Variants in ANKH observed in about 807,000 individuals in gnomAD.
The protein encoded by ANKH is mineralization regulator ANKH.
Under a neutral mutation model 49.0 loss-of-function variants are expected in ANKH, and 15 were observed. The observed-to-expected ratio is 0.31, with a 90% CI of 0.20 to 0.47. ANKH has a LOEUF of 0.47. Among genes scored for constraint, ANKH ranks in the 20% least tolerant of loss-of-function variants. ANKH has a pLI of 1.00. For synonymous variants in ANKH, 273 were observed against 260.0 expected, an observed-to-expected ratio of 1.05 and a Z score of -0.48; for missense variants, 429 against 652.0, an observed-to-expected ratio of 0.66 and a Z score of 3.72.
chr5:14,835,379 C>A (rs1230549651), intron 1 of ANKH, among the ~76,000 whole-genome samples: 4 of 152,150 alleles, frequency 2.6e-5, no homozygotes, highest in African/African-American at 9.7e-5. Flanking sequence ...AGTCCGTGCC[C>A]ACAGACAGGT....
intron 1 of ANKH, among the ~76,000 whole-genome samples, chr5:14,817,232 G>C (rs961819114): frequency 6.6e-6 from 1 of 152,120 alleles, no homozygotes; most frequent in Non-Finnish European, 1.5e-5. Flanking sequence ...GCCCTGTGTG[G>C]ATGTGTCAGA....
intron 1 of ANKH, among the ~76,000 whole-genome samples, chr5:14,865,028 AG>A (rs1401384405): frequency 6.6e-6 from 1 of 152,220 alleles, no homozygotes; most frequent in East Asian, 1.9e-4. Flanking sequence ...TGGGAGGCCG[AG>A]GCAGGGGGAC....
chr5:14,806,118 C>T (rs1494639), intron 1 of ANKH, among the ~76,000 whole-genome samples: 2,166 of 152,196 alleles, frequency 0.014, 46 homozygotes, highest in African/African-American at 0.05. Flanking sequence ...ATTCTTCCAC[C>T]CTTCTGCCAC....
rs1736953073 is a variant in ANKH, at chr5:14,706,584, T to G, written c.*4613A>C. The G allele has an allele frequency of 6.6e-6, 1 of 152,210 alleles. No homozygotes were observed. Among genetic ancestry groups the G allele is most frequent in the South Asian group, 2.1e-4 (1 of 4,836 alleles). 9.4% of individuals were successfully genotyped at this position (152,210 alleles called of 1,614,324 possible). On this transcript the variant is annotated 3_prime_UTR_variant, in exon 12 of 12. Transcript: ENST00000284268. ...ATATTTGTGACTTTTCTGAGTGGAG[T>G]TTGGGTTATTTTGATTCCACAATGC... is the stretch of plus-strand genomic sequence containing the variant.
chr5:14,735,098 G>A (rs1738133416), intron 8 of ANKH, among the ~76,000 whole-genome samples: 1 of 152,104 alleles, frequency 6.6e-6, no homozygotes, highest in Non-Finnish European at 1.5e-5. Context: ...ATCTAGTCCT[G>A]GTACTTCTAT....
intron 1 of ANKH, among the ~76,000 whole-genome samples, chr5:14,804,097 T>C (rs1371232019): frequency 2.6e-5 from 4 of 152,166 alleles, no homozygotes; most frequent in Admixed American, 6.5e-5. Flanking sequence ...GGTTTCACCA[T>C]GTTGGCCAGG....
chr5:14,817,463 G>A (rs1211448341), intron 1 of ANKH, among the ~76,000 whole-genome samples: 1 of 152,188 alleles, frequency 6.6e-6, no homozygotes, highest in Non-Finnish European at 1.5e-5. Context: ...TGAGATGGAT[G>A]AGATGGAGTA....
rs1737015669 is a variant in ANKH, at chr5:14,708,224, CCTTA to C, written c.*2969_*2972del. On this transcript the variant is annotated 3_prime_UTR_variant, in exon 12 of 12. Transcript: ENST00000284268. Reference sequence around the variant, plus strand: ...CACCAAAGGAGGAGCTCTAGAAAACCCTTACTATTTCCTATGCTTTGAGCTGCCC... The same window carrying C: ...CACCAAAGGAGGAGCTCTAGAAAACCCTATTTCCTATGCTTTGAGCTGCCC... 1 of 152,196 alleles carries C rather than the reference CCTTA, an allele frequency of 6.6e-6. No homozygotes were observed. Among genetic ancestry groups the C allele is most frequent in the African/African-American group, 2.4e-5 (1 of 41,460 alleles). The allele number at this position is 152,196 out of a possible 1,614,324, so 9.4% of individuals were successfully genotyped here.
intron 1 of ANKH, among the ~76,000 whole-genome samples, chr5:14,848,037 G>T (rs1249706916): frequency 1.3e-5 from 2 of 152,170 alleles, no homozygotes; most frequent in Non-Finnish European, 2.9e-5. Context: ...CTACTCGGGA[G>T]GCTGAGGCAG....
intron 1 of ANKH, among the ~76,000 whole-genome samples, chr5:14,799,004 T>C (rs1326937879): frequency 6.6e-6 from 1 of 152,176 alleles, no homozygotes; most frequent in Non-Finnish European, 1.5e-5. Flanking sequence ...GTTGTGCATG[T>C]AGAGGGAAAG....
At position 14,706,412 on chromosome 5, in the gene ANKH, A is replaced by G. The variant is rs920707596; in HGVS notation, c.*4785T>C. On this transcript the variant is annotated 3_prime_UTR_variant, in exon 12 of 12. Transcript: ENST00000284268. Reference sequence around the variant, plus strand: ...TGGACTTGACAGAGGTTTTTCAAAAATGATTTAGGAGGCCCACCTTTGATG... The same window carrying G: ...TGGACTTGACAGAGGTTTTTCAAAAGTGATTTAGGAGGCCCACCTTTGATG... The G allele has an allele frequency of 2.6e-5, 4 of 152,242 alleles. No homozygotes were observed. Among genetic ancestry groups the G allele is most frequent in the African/African-American group, 9.6e-5 (4 of 41,462 alleles). The allele number at this position is 152,242 out of a possible 1,614,324, so 9.4% of individuals were successfully genotyped here. A position where few individuals can be genotyped will look rare whatever the true frequency, so the allele number is the denominator to read the frequency against.
intron 1 of ANKH, among the ~76,000 whole-genome samples, chr5:14,804,300 T>A (rs1261466288): frequency 6.6e-6 from 1 of 152,214 alleles, no homozygotes; most frequent in African/African-American, 2.4e-5. Flanking sequence ...CTGCAATGTA[T>A]GTCCCCAGCT....
At chr5:14,712,790 A>T (rs1347935036) in intron 11 of ANKH, 84 bp downstream of exon 11, 3 of 1,361,598 alleles carry the variant, frequency 2.2e-6, no homozygotes, top group Non-Finnish European at 3.1e-6. Context: ...GAACGCCACC[A>T]TCCAACCTGG....
intron 1 of ANKH, among the ~76,000 whole-genome samples, chr5:14,835,085 A>T (rs2126603124): frequency 6.6e-6 from 1 of 152,372 alleles, no homozygotes; most frequent in East Asian, 1.9e-4. Context: ...TACTTCTGAT[A>T]CTAGTACAAC....
At chr5:14,758,069 C>T (rs1453793428) in intron 3 of ANKH, among the ~76,000 whole-genome samples, 1 of 152,236 alleles carries the variant, frequency 6.6e-6, no homozygotes, top group East Asian at 1.9e-4. Context: ...GTGGCCTAGA[C>T]ATTCACTGGA....
intron 1 of ANKH, among the ~76,000 whole-genome samples, chr5:14,804,427 G>A (rs1740645770): frequency 6.6e-6 from 1 of 152,182 alleles, no homozygotes; most frequent in Non-Finnish European, 1.5e-5. Flanking sequence ...TGTGCTCCCT[G>A]CACCCAGAAC....
At position 14,713,037 on chromosome 5, in the gene ANKH, C is replaced by T; in HGVS notation, c.1266-64G>A. ...CCAAGTCAAGGCACAACCGTCGATG[C>T]CAAAACCCAGGAAAGTAAGTGTAGC... On this transcript the variant is annotated intron_variant, in intron 10 of 11. Coordinates refer to ENST00000284268, the MANE Select transcript of ANKH (RefSeq NM_054027.6). This position sits in a 1 kb window ranked among gnomAD's most constrained non-coding sequence, Gnocchi z 4.4. 6.7e-7 allele frequency: 1 copy of T among 1,488,066 alleles called. No homozygotes were observed. The highest frequency in any genetic ancestry group is 9.2e-7 in the Non-Finnish European group (1 of 1,083,926). 92.2% of individuals were successfully genotyped at this position (1,488,066 alleles called of 1,614,324 possible). A position where few individuals can be genotyped will look rare whatever the true frequency, so the allele number is the denominator to read the frequency against.
At chr5:14,788,667 T>C (rs1324604370) in intron 1 of ANKH, among the ~76,000 whole-genome samples, 1 of 152,040 alleles carries the variant, frequency 6.6e-6, no homozygotes, top group Non-Finnish European at 1.5e-5. Context: ...GAGTTGAAGA[T>C]GGAAAAAGTG....
At chr5:14,861,074 G>A (rs1414008323) in intron 1 of ANKH, among the ~76,000 whole-genome samples, 3 of 152,034 alleles carry the variant, frequency 2.0e-5, no homozygotes, top group East Asian at 1.9e-4. Context: ...CACCGTGCCC[G>A]GCCTACATAT....
Sources: allele counts gnomAD v4.1 joint callset (sites outside exome capture counted in the v4.1 genomes callset), GRCh38; gene constraint gnomAD v4.1.1; non-coding constraint Gnocchi (gnomAD v3.1); transcripts MANE v1.5; gene names NCBI Gene and HGNC (gene_info 2026-07-23, HGNC 2026-07-21).